Variants in DAP observed in about 807,000 individuals in gnomAD.
The protein encoded by DAP is death-associated protein 1.
Under a neutral mutation model 13.8 loss-of-function variants are expected in DAP, and 8 were observed. The observed-to-expected ratio is 0.58, with a 90% confidence interval of 0.34 to 1.05. The LOEUF is 1.05. Ranked by LOEUF, DAP falls within the 50% of genes least tolerant of loss-of-function variation. The probability of loss-of-function intolerance (pLI) is 0.03; values close to 1 mark genes in which losing one functional copy is unlikely to be tolerated. For synonymous variants in DAP, 47 were observed against 47.5 expected (o/e 0.99, Z 0.04); for missense variants, 106 against 133.2 (o/e 0.80, Z 1.01).
intron 2 of DAP, among the ~76,000 whole-genome samples, chr5:10,740,396 T>A (rs1435408614): frequency 6.6e-6 from 1 of 152,138 alleles, no homozygotes; most frequent in Non-Finnish European, 1.5e-5. Context: ...TGGCCAACAA[T>A]TTTTCCAAGC....
chr5:10,754,067 C>T (rs1468117831), intron 1 of DAP, among the ~76,000 whole-genome samples: 2 of 152,128 alleles, frequency 1.3e-5, no homozygotes, highest in African/African-American at 2.4e-5. Flanking sequence ...GGACTATGGC[C>T]TATCTTAGTT....
At chr5:10,696,301 C>T (rs1738437627) in intron 2 of DAP, among the ~76,000 whole-genome samples, 1 of 152,140 alleles carries the variant, frequency 6.6e-6, no homozygotes, top group Non-Finnish European at 1.5e-5. Context: ...ACAGCCCAGG[C>T]ACCACTTCCT....
intron 2 of DAP, 50 bp downstream of exon 2, chr5:10,748,125 C>G (rs769529066): frequency 7.7e-7 from 1 of 1,294,288 alleles, no homozygotes; most frequent in Non-Finnish European, 1.1e-6. Context: ...AATGCTTAAC[C>G]GAATAGGGTT....
chr5:10,738,274 A>G (rs1739664119), intron 2 of DAP, among the ~76,000 whole-genome samples: 1 of 152,284 alleles, frequency 6.6e-6, no homozygotes, highest in Admixed American at 6.5e-5. Context: ...AGTAGCAGGC[A>G]AAAGTTTGAT....
At chr5:10,760,230 T>C (rs1385826339) in intron 1 of DAP, among the ~76,000 whole-genome samples, 1 of 152,164 alleles carries the variant, frequency 6.6e-6, no homozygotes. Flanking sequence ...CCCAAGGCCT[T>C]TGATCTTCTC....
intron 2 of DAP, among the ~76,000 whole-genome samples, chr5:10,720,239 T>C (rs944127043): frequency 1.1e-4 from 17 of 152,198 alleles, no homozygotes; most frequent in African/African-American, 4.1e-4. Context: ...CCTTCAGGAC[T>C]TCCTCAAGCC....
At chr5:10,749,846 A>G (rs1258313842) in intron 1 of DAP, among the ~76,000 whole-genome samples, 1 of 151,624 alleles carries the variant, frequency 6.6e-6, no homozygotes, top group Non-Finnish European at 1.5e-5. Flanking sequence ...CCTAAATCCA[A>G]AAAGCCAGCC....
At chr5:10,752,461 T>C (rs1375390599) in intron 1 of DAP, among the ~76,000 whole-genome samples, 1 of 152,260 alleles carries the variant, frequency 6.6e-6, no homozygotes, top group Non-Finnish European at 1.5e-5. Flanking sequence ...TGCAGAATTA[T>C]TTGCAAATCA....
chr5:10,761,022 G>A lies in DAP; in HGVS notation c.47C>T (p.Pro16Leu), dbSNP rs1302492041. ...EGKLETKAGH[P>L]PAVKAGGMRI... ...AGGAAAAGAGTCAGTACCGGCGGGC[G>A]GGTGTCCAGCTTTAGTCTCTAGTTT... The change falls in exon 1 of 4, where the codon CCG becomes CTG. Residue 16 changes from proline to leucine, a missense_variant. Pro to Leu is a moderately conservative substitution (Grantham distance 98, BLOSUM62 -3). Transcript: ENST00000230895. 8.2e-7 allele frequency: 1 copy of A among 1,216,060 alleles called. No individual in the cohort carries two copies. The highest frequency in any genetic ancestry group is 1.0e-6 in the Non-Finnish European group (1 of 966,428). 75.3% of individuals were successfully genotyped at this position (1,216,060 alleles called of 1,614,324 possible). A position where few individuals can be genotyped will look rare whatever the true frequency, so the allele number is the denominator to read the frequency against.
Position 10,702,473 on chromosome 5 carries a change from C to T in DAP, c.153-18902G>A, listed in dbSNP as rs543728818. On this transcript the variant is annotated intron_variant, in intron 2 of 3. Coordinates refer to ENST00000230895, the MANE Select transcript of DAP (RefSeq NM_004394.3). ...GGCCATGGGTTGATATCTGGAGTCC[C>T]CAAGCAAATGGGCCCTTCCTCCAGC... Among the ~76,000 whole-genome samples the T allele has an allele frequency of 2.0e-5, 3 of 152,302 alleles. No individual in the cohort carries two copies. In the East Asian group the frequency reaches 5.8e-4, roughly 29 times the overall value.
intron 2 of DAP, among the ~76,000 whole-genome samples, chr5:10,730,807 G>GA (rs1579810174): frequency 4.2e-5 from 5 of 118,974 alleles, no homozygotes; most frequent in East Asian, 2.7e-4. Flanking sequence ...GAGCCCTGGT[G>GA]GGGGGAATCC....
At chr5:10,751,607 T>C (rs1740048558) in intron 1 of DAP, among the ~76,000 whole-genome samples, 1 of 152,240 alleles carries the variant, frequency 6.6e-6, no homozygotes, top group Admixed American at 6.5e-5. Context: ...AATTCATAGG[T>C]TGAAGTCCTA....
intron 2 of DAP, among the ~76,000 whole-genome samples, chr5:10,702,215 G>A (rs1738596979): frequency 6.6e-6 from 1 of 152,184 alleles, no homozygotes; most frequent in African/African-American, 2.4e-5. Flanking sequence ...CAAATGCTTT[G>A]AGCACCAAAT....
At chr5:10,687,905 CTTTTTTTTTT>C (rs1199947263) in intron 2 of DAP, among the ~76,000 whole-genome samples, 2 of 110,666 alleles carry the variant, frequency 1.8e-5, no homozygotes, top group East Asian at 5.2e-4. Context: ...TCATTGTTGT[CTTTTTTTTTT>C]TTTTTTTTTT....
chr5:10,710,632 G>A (rs1738825157), intron 2 of DAP, among the ~76,000 whole-genome samples: 1 of 152,194 alleles, frequency 6.6e-6, no homozygotes, highest in Admixed American at 6.5e-5. Context: ...CGGGCTGGTG[G>A]GAAGCACAGA....
intron 1 of DAP, 38 bp downstream of exon 1, chr5:10,760,976 G>A: frequency 1.7e-6 from 2 of 1,198,108 alleles, no homozygotes; most frequent in South Asian, 3.7e-5. Context: ...GCCCGCCCCC[G>A]GCACCCGCGC....
At chr5:10,686,858 C>T (rs930780207) in intron 2 of DAP, among the ~76,000 whole-genome samples, 1 of 152,230 alleles carries the variant, frequency 6.6e-6, no homozygotes, top group Non-Finnish European at 1.5e-5. Context: ...ACAAAACAGC[C>T]TTTTATTGGA....
chr5:10,696,404 CAT>C (rs1446830265), intron 2 of DAP, among the ~76,000 whole-genome samples: 1 of 152,150 alleles, frequency 6.6e-6, no homozygotes, highest in Admixed American at 6.5e-5. Flanking sequence ...CCACAGGAGT[CAT>C]AGGCGATTCA....
chr5:10,722,089 T>G (rs1276946952), intron 2 of DAP, among the ~76,000 whole-genome samples: 1 of 152,210 alleles, frequency 6.6e-6, no homozygotes, highest in African/African-American at 2.4e-5. Flanking sequence ...TGGGTTCAAG[T>G]TGACAAGGGA....
Sources: allele counts gnomAD v4.1 joint callset (sites outside exome capture counted in the v4.1 genomes callset), GRCh38; gene constraint gnomAD v4.1.1; transcripts MANE v1.5; gene names NCBI Gene and HGNC (gene_info 2026-07-23, HGNC 2026-07-21).